Variants in CPS1 observed in about 807,000 individuals in gnomAD.
The protein encoded by CPS1 is carbamoyl-phosphate synthase [ammonia], mitochondrial.
A neutral mutation model predicts 174.6 loss-of-function variants in CPS1; 109 were observed. The observed-to-expected ratio is 0.62, with a 90% CI of 0.53 to 0.73. The LOEUF is 0.73. Ranked by LOEUF, CPS1 falls within the 30% of genes least tolerant of loss-of-function variation. CPS1 has a pLI of 0.00. For missense variants in CPS1, 1,689 were observed against 1,821.9 expected, an observed-to-expected ratio of 0.93 and a Z score of 1.33; for synonymous variants, 637 against 632.0, an observed-to-expected ratio of 1.01 and a Z score of -0.12.
chr2:210,540,397 A>G (rs563488715), intron 1 of CPS1, among the ~76,000 whole-genome samples: 109 of 152,312 alleles, frequency 7.2e-4, no homozygotes, highest in African/African-American at 2.5e-3. Context: ...ATGAATATCT[A>G]TATATCTATG....
chr2:210,490,568 A>G (rs1044899655), intron 1 of CPS1, among the ~76,000 whole-genome samples: 1 of 152,274 alleles, frequency 6.6e-6, no homozygotes, highest in African/African-American at 2.4e-5. Flanking sequence ...AGAGGAGTGC[A>G]GAATACTTGT....
At chr2:210,516,013 T>C (rs1030828276) in intron 1 of CPS1, among the ~76,000 whole-genome samples, 1 of 151,876 alleles carries the variant, frequency 6.6e-6, no homozygotes. Context: ...ATTCTGTGGT[T>C]TTGAGAGATC....
chr2:210,523,917 G>A (rs1327454564), intron 1 of CPS1, among the ~76,000 whole-genome samples: 1 of 151,964 alleles, frequency 6.6e-6, no homozygotes, highest in Non-Finnish European at 1.5e-5. Flanking sequence ...GCTTAGTGGA[G>A]GGTACCTGAG....
At chr2:210,632,639 G>T (rs1699903991) in intron 21 of CPS1, among the ~76,000 whole-genome samples, 1 of 152,212 alleles carries the variant, frequency 6.6e-6, no homozygotes, top group Non-Finnish European at 1.5e-5. Context: ...TGTGGGAAGG[G>T]ATCTAACTTG....
intron 21 of CPS1, 49 bp from the exon 22 acceptor site, chr2:210,637,653 T>G: frequency 2.5e-6 from 4 of 1,604,780 alleles, no homozygotes; most frequent in Non-Finnish European, 3.4e-6. Context: ...TCACCGCTTT[T>G]TATTGTTTTT....
chr2:210,556,229 T>A (rs113230810), upstream of CPS1: 3,346 of 406,772 alleles, frequency 8.2e-3, 65 homozygotes, highest in African/African-American at 0.051. Context: ...ATTGTCTTTT[T>A]ACCCCAACAG....
intron 1 of CPS1, among the ~76,000 whole-genome samples, chr2:210,497,910 A>ATATATATATATG (rs1219590770): frequency 4.3e-5 from 6 of 139,544 alleles, no homozygotes; most frequent in Non-Finnish European, 7.7e-5. Flanking sequence ...ATATATATAT[A>ATATATATATATG]TATATATATC....
At chr2:210,673,075 T>G (rs1041922286) in intron 34 of CPS1, 1 of 152,224 alleles carries the variant, frequency 6.6e-6, no homozygotes, top group Non-Finnish European at 1.5e-5. Context: ...ATAAGATCAT[T>G]TGATTTTTTC....
intron 1 of CPS1, among the ~76,000 whole-genome samples, chr2:210,489,161 G>T (rs1290931072): frequency 6.6e-6 from 1 of 152,108 alleles, no homozygotes; most frequent in Non-Finnish European, 1.5e-5. Flanking sequence ...AGTGCAAACA[G>T]CCCTGAAAAA....
chr2:210,495,778 A>G (rs1359500160), intron 1 of CPS1, among the ~76,000 whole-genome samples: 1 of 152,148 alleles, frequency 6.6e-6, no homozygotes, highest in Non-Finnish European at 1.5e-5. Context: ...GCAACTTGCA[A>G]TGTTTGCTTT....
chr2:210,616,816 G>A (rs1699328114), intron 21 of CPS1, among the ~76,000 whole-genome samples: 2 of 151,440 alleles, frequency 1.3e-5, no homozygotes, highest in South Asian at 2.1e-4. Flanking sequence ...GCACAAAATT[G>A]GTATACATTG....
intron 1 of CPS1, among the ~76,000 whole-genome samples, chr2:210,508,335 A>G (rs1441211725): frequency 6.6e-6 from 1 of 151,898 alleles, no homozygotes; most frequent in Non-Finnish European, 1.5e-5. Context: ...ACCAATGAGA[A>G]CAAAGACACA....
At chr2:210,512,726 T>C (rs1695531234) in intron 1 of CPS1, among the ~76,000 whole-genome samples, 1 of 115,674 alleles carries the variant, frequency 8.6e-6, no homozygotes, top group Non-Finnish European at 1.8e-5. Flanking sequence ...ATACATATCC[T>C]CCAGTAGTTT....
chr2:210,563,434 T>C (rs945952690), intron 1 of CPS1, among the ~76,000 whole-genome samples: 5 of 152,180 alleles, frequency 3.3e-5, no homozygotes, highest in African/African-American at 1.2e-4. Context: ...CTAAATATTG[T>C]CATGTGTTTG....
chr2:210,547,618 C>G (rs1696598287), intron 1 of CPS1, among the ~76,000 whole-genome samples: 1 of 151,966 alleles, frequency 6.6e-6, no homozygotes, highest in Non-Finnish European at 1.5e-5. Context: ...ATAGAAACTG[C>G]ATTCCTAAAA....
chr2:210,580,909 T>G (rs955986851), intron 5 of CPS1, among the ~76,000 whole-genome samples: 1 of 151,880 alleles, frequency 6.6e-6, no homozygotes, highest in Admixed American at 6.6e-5. Context: ...CAAAAAATTT[T>G]TTTGTAGATT....
intron 1 of CPS1, among the ~76,000 whole-genome samples, chr2:210,491,657 G>C (rs555365618): frequency 5.1e-4 from 77 of 152,182 alleles, no homozygotes; most frequent in African/African-American, 1.7e-3. Context: ...GTGGCAATGG[G>C]AAGTTACCAT....
chr2:210,644,803 T>C (rs1339089041), intron 25 of CPS1, among the ~76,000 whole-genome samples: 1 of 149,510 alleles, frequency 6.7e-6, no homozygotes, highest in Non-Finnish European at 1.5e-5. Flanking sequence ...GGTTCAGAAA[T>C]ATTCTTGTGC....
intron 1 of CPS1, among the ~76,000 whole-genome samples, chr2:210,508,701 AC>A (rs1348331125): frequency 6.6e-6 from 1 of 152,240 alleles, no homozygotes; most frequent in Non-Finnish European, 1.5e-5. Flanking sequence ...AGGGGATATC[AC>A]CACTGATCCT....
Sources: gnomAD v4.1 joint callset for allele counts (sites outside exome capture counted in the v4.1 genomes callset) on GRCh38, gnomAD v4.1.1 for gene constraint, MANE v1.5 for transcripts, NCBI Gene and HGNC (gene_info 2026-07-23, HGNC 2026-07-21) for gene names.